Variants in PRKD1 observed in about 807,000 individuals in gnomAD.
PRKD1 encodes the protein protein kinase D1, also known as serine/threonine-protein kinase D1.
PRKD1 carries 63 observed loss-of-function variants against 95.9 expected under a neutral mutation model. That is an observed-to-expected ratio of 0.66 (90% CI 0.54 to 0.81). The LOEUF (loss-of-function observed/expected upper bound fraction) is 0.81. Among genes scored for constraint, PRKD1 ranks in the 30% least tolerant of loss-of-function variants. PRKD1 has a pLI of 0.00. For synonymous variants in PRKD1, 425 were observed against 423.1 expected, an observed-to-expected ratio of 1.00 and a Z score of -0.05; for missense variants, 1,048 against 1,165.3, an observed-to-expected ratio of 0.90 and a Z score of 1.47.
intron 12 of PRKD1, among the ~76,000 whole-genome samples, chr14:29,625,207 T>C (rs1384468683): frequency 1.3e-5 from 2 of 152,192 alleles, no homozygotes; most frequent in Non-Finnish European, 2.9e-5. Flanking sequence ...TTCCTTAACA[T>C]CATTTCTTAC....
At chr14:29,714,426 T>C (rs148724676) in intron 2 of PRKD1, among the ~76,000 whole-genome samples, 1 of 152,304 alleles carries the variant, frequency 6.6e-6, no homozygotes, top group East Asian at 1.9e-4. Flanking sequence ...TCACACCAGT[T>C]AGAATAGCAA....
intron 15 of PRKD1, 131 bp downstream of exon 15, chr14:29,598,896 G>A: frequency 1.2e-6 from 1 of 807,606 alleles, no homozygotes; most frequent in Non-Finnish European, 2.0e-6. Context: ...AGTAACAAAT[G>A]AATAAAAATG....
At chr14:29,880,255 G>A (rs1420731007) in intron 1 of PRKD1, among the ~76,000 whole-genome samples, 1 of 152,128 alleles carries the variant, frequency 6.6e-6, no homozygotes, top group Non-Finnish European at 1.5e-5. Flanking sequence ...GTGCAGCCTG[G>A]GAACTTGGTG....
At chr14:29,899,418 G>T (rs1894243770) in intron 1 of PRKD1, among the ~76,000 whole-genome samples, 1 of 152,262 alleles carries the variant, frequency 6.6e-6, no homozygotes, top group South Asian at 2.1e-4. Context: ...AGGCCGAGGT[G>T]CACAGATCAC....
At chr14:29,710,239 G>A (rs1885274415) in intron 2 of PRKD1, among the ~76,000 whole-genome samples, 1 of 151,994 alleles carries the variant, frequency 6.6e-6, no homozygotes, top group African/African-American at 2.4e-5. Flanking sequence ...CTGCATTGAG[G>A]GTGAGACAGA....
At chr14:29,892,550 G>A (rs1268414219) in intron 1 of PRKD1, among the ~76,000 whole-genome samples, 2 of 151,864 alleles carry the variant, frequency 1.3e-5, no homozygotes, top group East Asian at 3.9e-4. Flanking sequence ...CTTCTTTTCA[G>A]TGCCAAGAAT....
At position 29,631,043 on chromosome 14, in the gene PRKD1, A is replaced by G. The variant is rs1011865427; in HGVS notation, c.1393-22T>C. 7 of 1,572,710 alleles carry G rather than the reference A, an allele frequency of 4.5e-6. No homozygotes were observed. In the African/African-American group the frequency reaches 9.5e-5, roughly 21 times the overall value. On this transcript the variant is annotated intron_variant, in intron 9 of 17. Coordinates refer to ENST00000331968, the MANE Select transcript of PRKD1 (RefSeq NM_002742.3). Reference sequence around the variant, plus strand: ...TTTCCTGTGAAAGAAAAAAAGTACTAAATGTTGTTTATCAAAAGTATGTAA... The same window carrying G: ...TTTCCTGTGAAAGAAAAAAAGTACTGAATGTTGTTTATCAAAAGTATGTAA...
chr14:29,814,135 T>C (rs1890599028), intron 1 of PRKD1, among the ~76,000 whole-genome samples: 1 of 152,236 alleles, frequency 6.6e-6, no homozygotes, highest in South Asian at 2.1e-4. Flanking sequence ...CTAAATTCCC[T>C]TGCAGCTTCA....
At chr14:29,879,560 T>C (rs1030077488) in intron 1 of PRKD1, among the ~76,000 whole-genome samples, 20 of 152,146 alleles carry the variant, frequency 1.3e-4, no homozygotes, top group Non-Finnish European at 1.8e-4. Flanking sequence ...AACAGAATAA[T>C]ACACTAAATT....
intron 13 of PRKD1, 149 bp downstream of exon 13, chr14:29,624,003 A>C: frequency 1.9e-6 from 1 of 513,598 alleles, no homozygotes; most frequent in Non-Finnish European, 3.4e-6. Flanking sequence ...TATTGAGGCA[A>C]GTTCTGATAC....
chr14:29,801,719 G>A (rs1010063447), intron 1 of PRKD1, among the ~76,000 whole-genome samples: 52 of 151,778 alleles, frequency 3.4e-4, no homozygotes, highest in African/African-American at 9.7e-4. Context: ...ATGGAGTTTC[G>A]CTCTTGTTGC....
At chr14:29,897,120 T>C (rs935490982) in intron 1 of PRKD1, among the ~76,000 whole-genome samples, 15 of 152,090 alleles carry the variant, frequency 9.9e-5, no homozygotes, top group African/African-American at 3.6e-4. Context: ...AAATTTTTAA[T>C]TGACTCATTT....
intron 1 of PRKD1, among the ~76,000 whole-genome samples, chr14:29,834,051 T>G (rs1188245053): frequency 6.6e-6 from 1 of 152,128 alleles, no homozygotes; most frequent in African/African-American, 2.4e-5. Flanking sequence ...TACAAGAGAC[T>G]TATTCCTCCT....
chr14:29,872,053 AC>A (rs1396751974), intron 1 of PRKD1, among the ~76,000 whole-genome samples: 1 of 152,202 alleles, frequency 6.6e-6, no homozygotes, highest in Non-Finnish European at 1.5e-5. Context: ...TCAGTGAAAA[AC>A]AGTTTCCAGG....
chr14:29,798,863 TTTTTC>T (rs1325769029), intron 1 of PRKD1, among the ~76,000 whole-genome samples: 1 of 152,190 alleles, frequency 6.6e-6, no homozygotes, highest in South Asian at 2.1e-4. Flanking sequence ...TCACTGATTC[TTTTTC>T]TTTTCTTTTC....
intron 1 of PRKD1, among the ~76,000 whole-genome samples, chr14:29,793,952 T>C (rs983770112): frequency 2.0e-5 from 3 of 152,070 alleles, no homozygotes; most frequent in East Asian, 3.9e-4. Context: ...TAAGATCCAA[T>C]GTTTCCTCTA....
intron 1 of PRKD1, among the ~76,000 whole-genome samples, chr14:29,752,105 T>C (rs1887503078): frequency 6.6e-6 from 1 of 152,174 alleles, no homozygotes; most frequent in Non-Finnish European, 1.5e-5. Flanking sequence ...ATACTTGCAA[T>C]CATAGGTTAC....
chr14:29,635,068 C>T (rs1880280960), intron 7 of PRKD1, among the ~76,000 whole-genome samples: 1 of 151,828 alleles, frequency 6.6e-6, no homozygotes, highest in Non-Finnish European at 1.5e-5. Context: ...GGGTAATAAG[C>T]ACCTCATATT....
chr14:29,755,364 T>C (rs1243788786), intron 1 of PRKD1, among the ~76,000 whole-genome samples: 1 of 152,188 alleles, frequency 6.6e-6, no homozygotes, highest in Non-Finnish European at 1.5e-5. Context: ...TCTCTAGGTT[T>C]CTTGTACCTC....
Sources: gnomAD v4.1 joint callset for allele counts (sites outside exome capture counted in the v4.1 genomes callset) on GRCh38, gnomAD v4.1.1 for gene constraint, MANE v1.5 for transcripts, NCBI Gene and HGNC (gene_info 2026-07-23, HGNC 2026-07-21) for gene names.